Variants in NRG1 observed in about 807,000 individuals in gnomAD.
NRG1 encodes pro-neuregulin-1, membrane-bound isoform.
Under a neutral mutation model 63.8 loss-of-function variants are expected in NRG1, and 18 were observed. The ratio of observed to expected loss-of-function variants is 0.28; its 90% CI spans 0.19 to 0.42. The LOEUF (loss-of-function observed/expected upper bound fraction) is 0.42, where lower values mean the gene tolerates loss of function less well. Among genes scored for constraint, NRG1 ranks in the 10% least tolerant of loss-of-function variants. The pLI is 1.00. For missense variants in NRG1, 762 were observed against 814.7 expected (o/e 0.94, Z 0.79); for synonymous variants, 302 against 301.3 (o/e 1.00, Z -0.02).
At chr8:32,569,302 G>A (rs905219545) in intron 1 of NRG1, among the ~76,000 whole-genome samples, 1 of 152,102 alleles carries the variant, frequency 6.6e-6, no homozygotes, top group Admixed American at 6.5e-5. Context: ...GCCCACCTTG[G>A]CCTCCCAAAG....
Position 31,679,989 on chromosome 8 carries a change from T to C in NRG1, c.37+40558T>C, listed in dbSNP as rs998358178. ...ATATAAAGTACCTAGGAAAAACTCT[T>C]AGAAAAACAGGAAAAGACCTGTGTG... On this transcript the variant is annotated intron_variant, in intron 1 of 10. Coordinates refer to the NRG1 transcript ENST00000519301. Among the ~76,000 whole-genome samples, 9 of 152,010 alleles carry C rather than the reference T, an allele frequency of 5.9e-5. No individual in the cohort carries two copies. The East Asian group carries it at 1.7e-3, about 29-fold the overall frequency.
At position 31,640,322 on chromosome 8, in the gene NRG1, G is replaced by C; in HGVS notation, c.37+891G>C. On this transcript the variant is annotated intron_variant, in intron 1 of 10. Transcript: ENST00000519301. The surrounding 1 kb of genome is among the most constrained non-coding windows in gnomAD (Gnocchi z 6.3). The stretch of plus-strand genomic sequence containing the variant: ...GCGGGCGAGGCAGGGGCGTGGGGCG[G>C]CGATCGCGAGCCGCCAGCCGCGGGC... The C allele has an allele frequency of 8.6e-7, 1 of 1,165,728 alleles. No homozygotes were observed. Among genetic ancestry groups the C allele is most frequent in the Non-Finnish European group, 1.1e-6 (1 of 946,580 alleles). The allele number at this position is 1,165,728 out of a possible 1,614,324, so 72.2% of individuals were successfully genotyped here.
At chr8:31,713,359 G>A (rs575301925) in intron 1 of NRG1, among the ~76,000 whole-genome samples, 6 of 151,856 alleles carry the variant, frequency 4.0e-5, no homozygotes, top group South Asian at 4.2e-4. Flanking sequence ...CTCGTGATCC[G>A]CCGGCCTCGG....
intron 1 of NRG1, among the ~76,000 whole-genome samples, chr8:32,549,176 C>G (rs908332051): frequency 3.3e-5 from 5 of 152,252 alleles, no homozygotes; most frequent in Admixed American, 2.6e-4. Flanking sequence ...GGAGTCGAGG[C>G]TGCGTGCGCG....
At chr8:32,769,800 C>CCCCT (rs2054689074), downstream of NRG1, among the ~76,000 whole-genome samples, 1 of 152,140 alleles carries the variant, frequency 6.6e-6, no homozygotes, top group Non-Finnish European at 1.5e-5. Context: ...GTCATGCCCT[C>CCCCT]CCCTGCAGGT....
At chr8:32,324,294 G>A (rs527970854) in intron 1 of NRG1, among the ~76,000 whole-genome samples, 21 of 152,258 alleles carry the variant, frequency 1.4e-4, no homozygotes, top group South Asian at 4.1e-4. Context: ...CCTGTAAGCC[G>A]GGGGTATCTC....
At chr8:32,772,316 A>G (rs16879957), downstream of NRG1, among the ~76,000 whole-genome samples, 7,023 of 151,868 alleles carry the variant, frequency 0.046, 550 homozygotes, top group African/African-American at 0.16. Context: ...TTCAAACTCC[A>G]TACTACATCC....
intron 1 of NRG1, among the ~76,000 whole-genome samples, chr8:32,055,115 C>A (rs549723062): frequency 6.6e-6 from 1 of 151,766 alleles, no homozygotes; most frequent in Non-Finnish European, 1.5e-5. Flanking sequence ...GTCTCAAACT[C>A]CTGACCTCAG....
intron 1 of NRG1, among the ~76,000 whole-genome samples, chr8:32,520,500 G>T (rs987280881): frequency 2.0e-5 from 3 of 152,088 alleles, no homozygotes; most frequent in African/African-American, 7.2e-5. Context: ...TAAGAGTACT[G>T]ATATCACAGG....
chr8:32,592,013 A>G (rs28612770), intron 1 of NRG1, among the ~76,000 whole-genome samples: 9,690 of 151,978 alleles, frequency 0.064, 1,072 homozygotes, highest in African/African-American at 0.22. Context: ...ACACATACAC[A>G]CGTGCGTATT....
At chr8:31,687,021 G>A (rs139945667) in intron 1 of NRG1, among the ~76,000 whole-genome samples, 3,944 of 152,052 alleles carry the variant, frequency 0.026, 177 homozygotes, top group African/African-American at 0.089. Context: ...TGCCAGCCTC[G>A]GCCTCCCAAA....
intron 1 of NRG1, among the ~76,000 whole-genome samples, chr8:32,013,809 T>G (rs1815104792): frequency 6.6e-6 from 1 of 152,152 alleles, no homozygotes; most frequent in South Asian, 2.1e-4. Flanking sequence ...TAAACTGACA[T>G]GATAGACTAA....
At chr8:31,910,164 G>T (rs114907387) in intron 1 of NRG1, among the ~76,000 whole-genome samples, 1 of 152,190 alleles carries the variant, frequency 6.6e-6, no homozygotes, top group East Asian at 1.9e-4. Flanking sequence ...AAAGGATGAC[G>T]ATGACACATA....
In NRG1 at chr8:31,639,445, C is replaced by A. The variant is rs1367054994; in HGVS notation, c.37+14C>A. On this transcript the variant is annotated intron_variant, in intron 1 of 10. Transcript: ENST00000519301. ...TTGGCACCACAGGTAAACAGGCTGG[C>A]GAGGCGCAGGACGCTGTCGCCGCCG... 3 of 1,534,220 alleles carry A rather than the reference C, an allele frequency of 2.0e-6. No homozygotes were observed. The African/African-American group carries it at 4.1e-5, about 21-fold the overall frequency.
chr8:31,705,043 T>G (rs1811009211), intron 1 of NRG1, among the ~76,000 whole-genome samples: 1 of 151,912 alleles, frequency 6.6e-6, no homozygotes, highest in Non-Finnish European at 1.5e-5. Flanking sequence ...TGTTTTGTTT[T>G]GTTTTGTTTT....
At chr8:31,779,973 A>G (rs1819519947) in intron 1 of NRG1, among the ~76,000 whole-genome samples, 1 of 152,246 alleles carries the variant, frequency 6.6e-6, no homozygotes, top group African/African-American at 2.4e-5. Flanking sequence ...AACAAGAACC[A>G]ACGAGAATAC....
intron 5 of NRG1, among the ~76,000 whole-genome samples, chr8:32,705,858 A>C (rs1470961836): frequency 1.3e-5 from 2 of 152,178 alleles, no homozygotes; most frequent in East Asian, 3.8e-4. Context: ...CCATTGAAAA[A>C]CATTTCCTAC....
intron 1 of NRG1, among the ~76,000 whole-genome samples, chr8:32,261,198 T>G (rs1189844810): frequency 1.3e-5 from 2 of 152,174 alleles, no homozygotes; most frequent in African/African-American, 4.8e-5. Context: ...TTCACATTGG[T>G]ATAATTCTAT....
intron 1 of NRG1, among the ~76,000 whole-genome samples, chr8:32,026,024 TCAGTTAGGTTTA>T (rs1817253422): frequency 6.6e-6 from 1 of 151,832 alleles, no homozygotes; most frequent in Non-Finnish European, 1.5e-5. Flanking sequence ...ATTAGTTTTA[TCAGTTAGGTTTA>T]CATTTACTAA....
Sources: gnomAD v4.1 joint callset for allele counts (sites outside exome capture counted in the v4.1 genomes callset) on GRCh38, gnomAD v4.1.1 for gene constraint, Gnocchi (gnomAD v3.1) non-coding constraint, MANE v1.5 for transcripts, NCBI Gene and HGNC (gene_info 2026-07-23, HGNC 2026-07-21) for gene names.